The following GATB variants were observed in gnomAD, a reference collection of about 807,000 sequenced individuals.
GATB encodes glutamyl-tRNA(Gln) amidotransferase subunit B, mitochondrial.
Under a neutral mutation model 62.3 loss-of-function variants are expected in GATB, and 39 were observed. That is an observed-to-expected ratio of 0.63 (90% CI 0.48 to 0.82). The LOEUF is 0.82. GATB is among the 40% of genes least tolerant of loss of function. The pLI, the probability that GATB is intolerant of heterozygous loss-of-function variation, is 0.00. For synonymous variants in GATB, 276 were observed against 258.9 expected (o/e 1.07, Z -0.63); for missense variants, 670 against 684.0 (o/e 0.98, Z 0.23).
At chr4:151,698,911 C>T (rs1738543342) in intron 9 of GATB, among the ~76,000 whole-genome samples, 1 of 151,616 alleles carries the variant, frequency 6.6e-6, no homozygotes, top group South Asian at 2.1e-4. Context: ...TTAACCACTA[C>T]CTCTTGTGGG....
intron 2 of GATB, among the ~76,000 whole-genome samples, chr4:151,740,744 C>T (rs1306424123): frequency 2.6e-5 from 4 of 151,968 alleles, no homozygotes; most frequent in South Asian, 2.1e-4. Flanking sequence ...CCAGGCCTGC[C>T]GTAATTTGTT....
chr4:151,703,013 G>A (rs1458742382), intron 8 of GATB, among the ~76,000 whole-genome samples: 2 of 152,158 alleles, frequency 1.3e-5, no homozygotes, highest in African/African-American at 4.8e-5. Context: ...CACACTCAGG[G>A]GAAGGCGCAC....
At chr4:151,703,800 T>C (rs1438393562) in intron 8 of GATB, 51 bp downstream of exon 8, 6 of 1,237,196 alleles carry the variant, frequency 4.8e-6, no homozygotes, top group Non-Finnish European at 7.2e-6. Flanking sequence ...GAACTTGAAA[T>C]ACGCCCCAGC....
chr4:151,738,790 C>T (rs906664919), intron 2 of GATB, among the ~76,000 whole-genome samples: 2 of 152,182 alleles, frequency 1.3e-5, no homozygotes, highest in Non-Finnish European at 2.9e-5. Context: ...AAAAATTCCC[C>T]GCTATGTTTT....
chr4:151,676,570 A>C (rs1190428647), intron 11 of GATB: 2 of 152,232 alleles, frequency 1.3e-5, no homozygotes. Context: ...GGTTAGCTGT[A>C]ACTCTGACAG....
chr4:151,716,439 C>T (rs1260786893), intron 4 of GATB, among the ~76,000 whole-genome samples: 1 of 152,044 alleles, frequency 6.6e-6, no homozygotes, highest in Admixed American at 6.6e-5. Flanking sequence ...TATGGCACCA[C>T]ACCTAGGTGT....
At chr4:151,693,291 G>C (rs1178804403) in intron 9 of GATB, among the ~76,000 whole-genome samples, 1 of 152,226 alleles carries the variant, frequency 6.6e-6, no homozygotes, top group Admixed American at 6.5e-5. Flanking sequence ...TCAGGGCAAG[G>C]CTAAGGACTG....
At chr4:151,716,281 T>A in intron 4 of GATB, 150 bp from the exon 5 acceptor site, 4 of 702,602 alleles carry the variant, frequency 5.7e-6, no homozygotes, top group East Asian at 3.6e-5. Flanking sequence ...TCCCACCTTT[T>A]TTTTTTTTTT....
Position 151,742,243 on chromosome 4 carries a change from C to T in GATB, c.327+16529G>A, listed in dbSNP as rs548158415. 5.3e-5 allele frequency among the ~76,000 whole-genome samples: 8 copies of T among 152,274 alleles called. No individual in the cohort carries two copies. The South Asian group carries it at 1.2e-3, about 24-fold the overall frequency. ...AGCTGGGACTACAGGCGCCCGCCAT[C>T]GCACCCGGCTAATTTCTTGTATTTT... On this transcript the variant is annotated intron_variant, in intron 2 of 12. Transcript: ENST00000263985.
Position 151,721,882 on chromosome 4 carries a change from C to A in GATB, c.328-2344G>T, listed in dbSNP as rs993278664. The A allele has an allele frequency of 3.1e-5, 11 of 357,350 alleles. No homozygotes were observed. In the Admixed American group the frequency reaches 4.2e-4, roughly 14 times the overall value. 22.1% of individuals were successfully genotyped at this position (357,350 alleles called of 1,614,324 possible). ...GACTCTCACTGTGTCCGTGTGCACA[C>A]AAGCGCACGGGCACTTCATAAACCA... On this transcript the variant is annotated intron_variant, in intron 2 of 12. Coordinates refer to ENST00000263985, the MANE Select transcript of GATB (RefSeq NM_004564.3).
intron 11 of GATB, among the ~76,000 whole-genome samples, chr4:151,679,330 C>T (rs1738087607): frequency 6.6e-6 from 1 of 152,222 alleles, no homozygotes; most frequent in Non-Finnish European, 1.5e-5. Flanking sequence ...CCGGGCATGT[C>T]TGTAACATTT....
intron 2 of GATB, among the ~76,000 whole-genome samples, chr4:151,741,936 G>C (rs562497546): frequency 4.0e-4 from 61 of 152,300 alleles, no homozygotes; most frequent in Middle Eastern, 3.4e-3. Context: ...ACATCTAGCG[G>C]GAATTTGGAA....
chr4:151,683,033 C>T (rs1005453099), intron 10 of GATB, among the ~76,000 whole-genome samples: 1 of 152,120 alleles, frequency 6.6e-6, no homozygotes, highest in Admixed American at 6.5e-5. Flanking sequence ...ACCCCTCCAC[C>T]CCTGCTCAGA....
chr4:151,688,597 C>T (rs774488966), intron 10 of GATB, 33 bp downstream of exon 10: 8 of 1,585,076 alleles, frequency 5.0e-6, no homozygotes, highest in African/African-American at 2.7e-5. Context: ...GAGCTCATCA[C>T]AAAGGAAGAA....
chr4:151,703,836 A>C lies in GATB; in HGVS notation c.1007+15T>G. On this transcript the variant is annotated intron_variant, in intron 8 of 12. Transcript: ENST00000263985. ...CCCCGATATATAGCGGTATTTTGCCATAAGGAGTAACCACCTGTAGTCCTG... is the reference window on the plus strand; with the variant it reads ...CCCCGATATATAGCGGTATTTTGCCCTAAGGAGTAACCACCTGTAGTCCTG... 1.3e-6 allele frequency: 2 copies of C among 1,562,468 alleles called. No homozygotes were observed. The highest frequency in any genetic ancestry group is 1.8e-6 in the Non-Finnish European group (2 of 1,132,890).
chr4:151,686,664 C>A (rs1383433636), intron 10 of GATB, among the ~76,000 whole-genome samples: 6 of 130,782 alleles, frequency 4.6e-5, no homozygotes, highest in African/African-American at 1.7e-4. Context: ...CCCCCCCCCA[C>A]CCCCCAGTTT....
intron 2 of GATB, among the ~76,000 whole-genome samples, chr4:151,745,701 T>C (rs569917033): frequency 6.6e-6 from 1 of 152,334 alleles, no homozygotes; most frequent in South Asian, 2.1e-4. Flanking sequence ...CCCCTCTTCA[T>C]TCCCCTTATT....
chr4:151,684,078 C>T (rs1738197757), intron 10 of GATB, among the ~76,000 whole-genome samples: 1 of 152,200 alleles, frequency 6.6e-6, no homozygotes, highest in African/African-American at 2.4e-5. Context: ...GTTTCCAATG[C>T]CTGCAGCCCA....
chr4:151,719,212 C>G (rs1277696664), intron 3 of GATB, among the ~76,000 whole-genome samples: 1 of 152,246 alleles, frequency 6.6e-6, no homozygotes, highest in African/African-American at 2.4e-5. Context: ...ATGAGGTAAG[C>G]AAGAAGTCAG....
Sources: gnomAD v4.1 joint callset for allele counts (sites outside exome capture counted in the v4.1 genomes callset) on GRCh38, gnomAD v4.1.1 for gene constraint, MANE v1.5 for transcripts, NCBI Gene and HGNC (gene_info 2026-07-23, HGNC 2026-07-21) for gene names.